MEOX2: variants seen among roughly 807,000 people sequenced by gnomAD.
MEOX2 encodes homeobox protein MOX-2.
MEOX2 carries 11 observed loss-of-function variants against 27.0 expected under a neutral mutation model. The observed-to-expected ratio is 0.41, with a 90% CI of 0.26 to 0.68. The LOEUF (loss-of-function observed/expected upper bound fraction) is 0.68. Among genes scored for constraint, MEOX2 ranks in the 30% least tolerant of loss-of-function variants. The pLI, the probability that MEOX2 is intolerant of heterozygous loss-of-function variation, is 0.33. For missense variants in MEOX2, 436 were observed against 385.4 expected (o/e 1.13, Z -1.10); for synonymous variants, 189 against 155.4 (o/e 1.22, Z -1.61).
intron 2 of MEOX2, 70 bp from the exon 3 acceptor site, chr7:15,612,681 G>T (rs1554291801): frequency 7.5e-7 from 1 of 1,331,598 alleles, no homozygotes; most frequent in Non-Finnish European, 1.1e-6. Flanking sequence ...TTTCTCCTTA[G>T]TGTCATCAAT....
chr7:15,673,895 C>T (rs1782151273), intron 1 of MEOX2, among the ~76,000 whole-genome samples: 1 of 151,996 alleles, frequency 6.6e-6, no homozygotes, highest in Non-Finnish European at 1.5e-5. Context: ...TCTTAAACTC[C>T]TAACATTAAG....
intron 1 of MEOX2, among the ~76,000 whole-genome samples, chr7:15,655,813 A>G (rs148887620): frequency 6.6e-6 from 1 of 151,798 alleles, no homozygotes; most frequent in Non-Finnish European, 1.5e-5. Context: ...CTTTAAAAAT[A>G]TGTGTATTCT....
chr7:15,647,051 T>C (rs888219777), intron 1 of MEOX2, among the ~76,000 whole-genome samples: 4 of 152,044 alleles, frequency 2.6e-5, no homozygotes, highest in Non-Finnish European at 5.9e-5. Flanking sequence ...TAGCTAAAGC[T>C]TGCATTTTGT....
chr7:15,656,707 T>G (rs1781827199), intron 1 of MEOX2, among the ~76,000 whole-genome samples: 2 of 152,036 alleles, frequency 1.3e-5, no homozygotes, highest in Non-Finnish European at 2.9e-5. Context: ...TAACTTTTGC[T>G]TTATGTAACA....
Position 15,664,099 on chromosome 7 carries a change from C to T in MEOX2, c.517+21787G>A, listed in dbSNP as rs1781959228. Among the ~76,000 whole-genome samples the T allele has an allele frequency of 2.0e-5, 3 of 152,242 alleles. No homozygotes were observed. The South Asian group carries it at 6.2e-4, about 32-fold the overall frequency. ...TGATTGTTAAAGCAAATATGAACTA[C>T]AGTTGGCTGTACTTAAAGACCCAAT... On this transcript the variant is annotated intron_variant, in intron 1 of 2. Transcript: ENST00000262041.
intron 1 of MEOX2, among the ~76,000 whole-genome samples, chr7:15,667,525 G>T (rs537369172): frequency 1.3e-5 from 2 of 152,128 alleles, no homozygotes; most frequent in Non-Finnish European, 2.9e-5. Flanking sequence ...TACCCAAAGC[G>T]TAGGGCCAAG....
intron 1 of MEOX2, among the ~76,000 whole-genome samples, chr7:15,673,597 CAAAA>C (rs35223717): frequency 0.048 from 3,624 of 76,286 alleles, 74 homozygotes; most frequent in African/African-American, 0.099. Flanking sequence ...ACAAGTCTAT[CAAAA>C]AAAAAAAAAA....
chr7:15,620,963 C>A (rs1480820204), intron 2 of MEOX2, among the ~76,000 whole-genome samples: 4 of 152,114 alleles, frequency 2.6e-5, no homozygotes, highest in Non-Finnish European at 5.9e-5. Flanking sequence ...TCCATTTTAC[C>A]ACTTCTTTTA....
At position 15,618,360 on chromosome 7, in the gene MEOX2, T is replaced by A. The variant is rs540588393; in HGVS notation, c.691-5749A>T. Among the ~76,000 whole-genome samples the A allele has an allele frequency of 4.6e-5, 7 of 152,166 alleles. No homozygotes were observed. The South Asian group carries it at 1.5e-3, about 32-fold the overall frequency. ...AAACTAAATTAGGCACTTTTTTTCT[T>A]TATTGTGTTATAAAATTACTGAATA... On this transcript the variant is annotated intron_variant, in intron 2 of 2. Coordinates refer to ENST00000262041, the MANE Select transcript of MEOX2 (RefSeq NM_005924.5).
Position 15,686,033 on chromosome 7 carries a change from G to C in MEOX2, c.370C>G (p.Pro124Ala). The C allele has an allele frequency of 6.2e-7, 1 of 1,606,458 alleles. No individual in the cohort carries two copies. Among genetic ancestry groups the C allele is most frequent in the Non-Finnish European group, 8.5e-7 (1 of 1,179,306 alleles). Residue 124 changes from proline (P) to alanine (A), a missense_variant, in exon 1 of 3, where the codon CCG becomes GCG. Pro to Ala is a conservative substitution (Grantham distance 27). Coordinates refer to ENST00000262041, the MANE Select transcript of MEOX2 (RefSeq NM_005924.5). The stretch of plus-strand genomic sequence containing the variant: ...GAAGAGTTGGAGCACAGGACGGGCG[G>C]GCTGCTCCCCAACTCTGGGGGCCCT... ...SGGPPELGSS[P>A]PVLCSNSSSL... is the part of the protein sequence containing the mutation.
At chr7:15,649,205 C>G (rs892215803) in intron 1 of MEOX2, among the ~76,000 whole-genome samples, 1 of 152,032 alleles carries the variant, frequency 6.6e-6, no homozygotes, top group Non-Finnish European at 1.5e-5. Context: ...GAATTCCACT[C>G]AACAAATACA....
chr7:15,642,988 A>AG (rs1443535153), intron 1 of MEOX2, among the ~76,000 whole-genome samples: 8 of 152,166 alleles, frequency 5.3e-5, no homozygotes, highest in Non-Finnish European at 1.0e-4. Flanking sequence ...ACAAGGATAA[A>AG]GTGTTGGAGG....
chr7:15,618,792 A>G (rs1040074400), intron 2 of MEOX2, among the ~76,000 whole-genome samples: 2 of 151,908 alleles, frequency 1.3e-5, no homozygotes, highest in Non-Finnish European at 2.9e-5. Flanking sequence ...TTTAGAGACT[A>G]TCACCTTAGA....
chr7:15,616,848 T>C (rs1292677305), intron 2 of MEOX2, among the ~76,000 whole-genome samples: 1 of 151,920 alleles, frequency 6.6e-6, no homozygotes, highest in Non-Finnish European at 1.5e-5. Context: ...AGATCAAAGA[T>C]GGGAGGTGTT....
chr7:15,616,299 TAGAA>T (rs1489220576), intron 2 of MEOX2, among the ~76,000 whole-genome samples: 3 of 151,612 alleles, frequency 2.0e-5, no homozygotes, highest in African/African-American at 4.8e-5. Context: ...TTATAGAAAA[TAGAA>T]GGAAGAATAT....
At chr7:15,630,606 A>G (rs1781386005) in intron 1 of MEOX2, among the ~76,000 whole-genome samples, 2 of 152,028 alleles carry the variant, frequency 1.3e-5, no homozygotes, top group Non-Finnish European at 1.5e-5. Context: ...CTGAAGAAAA[A>G]TGAATACTAA....
At chr7:15,684,209 G>T (rs1374421669) in intron 1 of MEOX2, among the ~76,000 whole-genome samples, 1 of 152,074 alleles carries the variant, frequency 6.6e-6, no homozygotes, top group Non-Finnish European at 1.5e-5. Flanking sequence ...AAAATGAACC[G>T]TAAGAGCTTA....
intron 2 of MEOX2, among the ~76,000 whole-genome samples, chr7:15,618,304 A>C (rs1452622246): frequency 6.6e-6 from 1 of 152,094 alleles, no homozygotes; most frequent in African/African-American, 2.4e-5. Flanking sequence ...TTCATGAATA[A>C]AAGACTATAT....
Position 15,686,644 on chromosome 7 carries a change from G to C in MEOX2, c.-242C>G, listed in dbSNP as rs2115401872. 1 of 524,348 alleles carries C rather than the reference G, an allele frequency of 1.9e-6. No individual in the cohort carries two copies. Among genetic ancestry groups the C allele is most frequent in the East Asian group, 3.0e-5 (1 of 33,400 alleles). The allele number at this position is 524,348 out of a possible 1,614,324, so 32.5% of individuals were successfully genotyped here. The stretch of plus-strand genomic sequence containing the variant: ...CTACTCAGATGTCAAGAGTGGGAGA[G>C]GTTGAAGCCAAAAGAAGGTGGTCCC... On this transcript the variant is annotated 5_prime_UTR_variant, in exon 1 of 3. Coordinates refer to ENST00000262041, the MANE Select transcript of MEOX2 (RefSeq NM_005924.5).
Sources: allele counts gnomAD v4.1 joint callset (sites outside exome capture counted in the v4.1 genomes callset), GRCh38; gene constraint gnomAD v4.1.1; transcripts MANE v1.5; gene names NCBI Gene and HGNC (gene_info 2026-07-23, HGNC 2026-07-21).